IQSEC3: variants seen among roughly 807,000 people sequenced by gnomAD.
The protein encoded by IQSEC3 is IQ motif and Sec7 domain ArfGEF 3.
Under a neutral mutation model 105.4 loss-of-function variants are expected in IQSEC3, and 50 were observed. The observed-to-expected ratio is 0.47, with a 90% CI of 0.38 to 0.60. The LOEUF is 0.60. Ranked by LOEUF, IQSEC3 falls within the 20% of genes least tolerant of loss-of-function variation. IQSEC3 has a pLI of 0.00. For synonymous variants in IQSEC3, 708 were observed against 746.0 expected, an observed-to-expected ratio of 0.95 and a Z score of 0.83; for missense variants, 1,415 against 1,630.0, an observed-to-expected ratio of 0.87 and a Z score of 2.27.
chr12:144,160 G>GA (rs1223521973), intron 5 of IQSEC3: 1 of 152,220 alleles, frequency 6.6e-6, no homozygotes, highest in Non-Finnish European at 1.5e-5. Context: ...CCGAGGTGGA[G>GA]AGGGCCCTGT....
intron 1 of IQSEC3, among the ~76,000 whole-genome samples, chr12:77,924 G>T (rs1330262722): frequency 1.4e-4 from 21 of 151,616 alleles, no homozygotes; most frequent in Non-Finnish European, 3.0e-4. Flanking sequence ...GCAGCCGGCA[G>T]GCGAGAAGGA....
chr12:141,638 G>A (rs1866032079), intron 5 of IQSEC3: 2 of 246,296 alleles, frequency 8.1e-6, no homozygotes, highest in South Asian at 3.3e-4. Context: ...TCTCTGCCTG[G>A]TGAAGAGCCC....
chr12:107,675 G>A, intron 2 of IQSEC3, among the ~76,000 whole-genome samples: 1 of 152,118 alleles, frequency 6.6e-6, no homozygotes, highest in Non-Finnish European at 1.5e-5. Flanking sequence ...CTCCCAAAGT[G>A]CTGGGATTAC....
At chr12:160,621 G>C (rs1866856301) in intron 7 of IQSEC3, among the ~76,000 whole-genome samples, 1 of 152,110 alleles carries the variant, frequency 6.6e-6, no homozygotes, top group Non-Finnish European at 1.5e-5. Flanking sequence ...GTCTTCTGCT[G>C]GAGTGAGGAG....
chr12:94,561 G>A (rs1406991340), intron 1 of IQSEC3, among the ~76,000 whole-genome samples: 2 of 152,228 alleles, frequency 1.3e-5, no homozygotes, highest in Non-Finnish European at 2.9e-5. Flanking sequence ...TCCCCTCTTG[G>A]CTGAACTGTC....
chr12:154,099 CCCA>C (rs1468255123), intron 5 of IQSEC3, among the ~76,000 whole-genome samples: 1 of 152,198 alleles, frequency 6.6e-6, no homozygotes, highest in Non-Finnish European at 1.5e-5. Context: ...CGCTTCGAGG[CCCA>C]CGAGGGGTGT....
chr12:165,635 G>T, intron 10 of IQSEC3, 94 bp from the exon 11 acceptor site: 4 of 1,564,680 alleles, frequency 2.6e-6, no homozygotes, highest in South Asian at 2.2e-5. Flanking sequence ...GTGGGTGGAG[G>T]CATGAGACCC....
intron 1 of IQSEC3, among the ~76,000 whole-genome samples, chr12:94,649 C>A (rs1864190310): frequency 1.3e-5 from 2 of 152,236 alleles, no homozygotes; most frequent in Admixed American, 1.3e-4. Flanking sequence ...CATTCAGTTA[C>A]CCATCACATG....
At chr12:143,218 G>A (rs1424928773) in intron 5 of IQSEC3, 1 of 152,910 alleles carries the variant, frequency 6.5e-6, no homozygotes, top group Non-Finnish European at 1.5e-5. Flanking sequence ...AGCTGGGCTG[G>A]GGGCTGGGGG....
At chr12:171,505 A>C (rs1290548390) in intron 13 of IQSEC3, 11 of 612,904 alleles carry the variant, frequency 1.8e-5, no homozygotes, top group Non-Finnish European at 3.2e-5. Flanking sequence ...CTCACTGCTC[A>C]CTGCTCCCCC....
intron 3 of IQSEC3, among the ~76,000 whole-genome samples, chr12:132,563 T>C (rs1255310536): frequency 6.6e-6 from 1 of 151,942 alleles, no homozygotes; most frequent in Non-Finnish European, 1.5e-5. Context: ...GTGGTGACAT[T>C]CTGGAAGGAT....
chr12:172,902 C>T (rs1464751178), intron 13 of IQSEC3, among the ~76,000 whole-genome samples: 1 of 152,112 alleles, frequency 6.6e-6, no homozygotes, highest in Non-Finnish European at 1.5e-5. Flanking sequence ...AAACGGGAGG[C>T]GCAGGCTGTG....
At chr12:174,511 A>C in intron 13 of IQSEC3, 88 bp from the exon 14 acceptor site, 2 of 1,180,250 alleles carry the variant, frequency 1.7e-6, no homozygotes, top group Non-Finnish European at 2.3e-6. Context: ...AGTGGGAGGG[A>C]GGCCAGGGGA....
At position 138,557 on chromosome 12, in the gene IQSEC3, G is replaced by A; in HGVS notation, c.1194G>A (p.Leu398=). The A allele has an allele frequency of 1.3e-6, 2 of 1,583,692 alleles. No homozygotes were observed. The highest frequency in any genetic ancestry group is 1.7e-6 in the Non-Finnish European group (2 of 1,172,186). ...PPTFAGTLTE[L]EDSFTEQVQS... Reference sequence around the variant, plus strand: ...CCTTCGCAGGCACCCTCACCGAGCTGGAGGACTCCTTCACCGAGCAGGTGC... The same window carrying A: ...CCTTCGCAGGCACCCTCACCGAGCTAGAGGACTCCTTCACCGAGCAGGTGC... The change falls in exon 4 of 14, where the codon CTG becomes CTA. Residue 398 remains leucine, a synonymous_variant. Transcript: ENST00000538872. This position sits in a 1 kb window ranked among gnomAD's most constrained non-coding sequence, Gnocchi z 7.1.
intron 3 of IQSEC3, chr12:137,648 G>GAA (rs1555086833): frequency 2.9e-5 from 4 of 137,404 alleles, no homozygotes; most frequent in South Asian, 2.4e-4. Flanking sequence ...AAAAAAAAAA[G>GAA]AAGAAAAGAA....
intron 2 of IQSEC3, among the ~76,000 whole-genome samples, chr12:99,460 T>G (rs1337727095): frequency 1.3e-5 from 2 of 152,158 alleles, no homozygotes; most frequent in Non-Finnish European, 2.9e-5. Flanking sequence ...GCTCCTTCCT[T>G]CTAAACGGCC....
intron 3 of IQSEC3, among the ~76,000 whole-genome samples, chr12:129,977 G>A (rs881194): frequency 0.19 from 28,389 of 152,176 alleles, 3,322 homozygotes; most frequent in Non-Finnish European, 0.25. Flanking sequence ...AGGGCCTCCT[G>A]GCCCCTTCCC....
intron 2 of IQSEC3, among the ~76,000 whole-genome samples, chr12:121,120 C>T (rs1342281738): frequency 1.3e-5 from 2 of 152,158 alleles, no homozygotes; most frequent in East Asian, 1.9e-4. Context: ...TACTTCCTGT[C>T]GAAGGGCCAG....
Position 174,716 on chromosome 12 carries a change from C to G in IQSEC3, c.3232C>G (p.Pro1078Ala). The G allele has an allele frequency of 6.3e-7, 1 of 1,593,338 alleles. No individual in the cohort carries two copies. The highest frequency in any genetic ancestry group is 1.3e-5 in the African/African-American group (1 of 74,876). Reference sequence around the variant, plus strand: ...TAGCCCCCCGAGACAGCAGACCCCACCACTGCCGCCGCCGCCACCCACGCC... The same window carrying G: ...TAGCCCCCCGAGACAGCAGACCCCAGCACTGCCGCCGCCGCCACCCACGCC... ...QPSPPRQQTP[P>A]LPPPPPTPPG... Residue 1078 changes from proline (P) to alanine (A), a missense_variant, in exon 14 of 14, where the codon CCA (proline) becomes GCA (alanine). Physicochemically the swap from Pro to Ala is conservative, Grantham distance 27. Around this residue, in one of 6 missense-constraint regions of IQSEC3, gnomAD observed 419 missense variants for 436.2 expected, o/e 0.96. Transcript: ENST00000538872.
Sources: gnomAD v4.1 joint callset for allele counts (sites outside exome capture counted in the v4.1 genomes callset) on GRCh38, gnomAD v4.1.1 for gene constraint, gnomAD v4.1.1 regional missense constraint, Gnocchi (gnomAD v3.1) non-coding constraint, MANE v1.5 for transcripts, NCBI Gene and HGNC (gene_info 2026-07-23, HGNC 2026-07-21) for gene names.